Variants in CLMP observed in about 807,000 individuals in gnomAD.
CLMP encodes the protein CXADR-like membrane protein.
Under a neutral mutation model 45.2 loss-of-function variants are expected in CLMP, and 27 were observed. That is an observed-to-expected ratio of 0.60 (90% CI 0.44 to 0.82). The LOEUF (loss-of-function observed/expected upper bound fraction) is 0.82, where lower values mean the gene tolerates loss of function less well. Among genes scored for constraint, CLMP ranks in the 40% least tolerant of loss-of-function variants. The probability of loss-of-function intolerance (pLI) is 0.00; values close to 1 mark genes in which losing one functional copy is unlikely to be tolerated. For synonymous variants in CLMP, 167 were observed against 171.4 expected (o/e 0.97, Z 0.20); for missense variants, 403 against 448.4 (o/e 0.90, Z 0.91).
intron 2 of CLMP, among the ~76,000 whole-genome samples, chr11:123,094,068 G>A (rs1865963739): frequency 6.6e-6 from 1 of 152,190 alleles, no homozygotes; most frequent in South Asian, 2.1e-4. Context: ...ACAGCTAGTG[G>A]TTCTCAGACC....
At chr11:123,106,414 TGTGTGTGTGTGC>T (rs766332837) in intron 1 of CLMP, among the ~76,000 whole-genome samples, 46 of 129,080 alleles carry the variant, frequency 3.6e-4, no homozygotes, top group African/African-American at 9.4e-4. Flanking sequence ...TGTGTGTGTG[TGTGTGTGTGTGC>T]GCGCGCGCGC....
At chr11:123,115,270 A>G (rs1860705476) in intron 1 of CLMP, among the ~76,000 whole-genome samples, 1 of 150,748 alleles carries the variant, frequency 6.6e-6, no homozygotes, top group South Asian at 2.1e-4. Context: ...CTGGTCTCCA[A>G]CTCCTGGGCT....
intron 1 of CLMP, among the ~76,000 whole-genome samples, chr11:123,188,363 G>T (rs1188236328): frequency 6.6e-6 from 1 of 152,108 alleles, no homozygotes; most frequent in Non-Finnish European, 1.5e-5. Context: ...AACACCAGGA[G>T]GTCAGCTTAG....
chr11:123,142,074 T>A lies in CLMP; in HGVS notation c.29-44122A>T, dbSNP rs1043442343. Among the ~76,000 whole-genome samples, 5 of 143,282 alleles carry A rather than the reference T, an allele frequency of 3.5e-5. No homozygotes were observed. In the East Asian group the frequency reaches 1.1e-3, roughly 31 times the overall value. The allele number at this position is 143,282 out of a possible 152,430, so 94.0% of individuals were successfully genotyped here. A position where few individuals can be genotyped will look rare whatever the true frequency, so the allele number is the denominator to read the frequency against. On this transcript the variant is annotated intron_variant, in intron 1 of 6. Coordinates refer to ENST00000448775, the MANE Select transcript of CLMP (RefSeq NM_024769.5). ...AGCACGGCCCACTGGACCCTCGACC[T>A]CCCAGGGTCAAGCGATCCTCCTGTC...
chr11:123,078,640 T>G (rs9787777), intron 5 of CLMP, among the ~76,000 whole-genome samples: 9,566 of 140,350 alleles, frequency 0.068, 387 homozygotes, highest in East Asian at 0.15. Context: ...TTTTTTTTGG[T>G]TTTTTTTGTT....
chr11:123,179,113 T>A (rs145939793), intron 1 of CLMP, among the ~76,000 whole-genome samples: 142 of 152,280 alleles, frequency 9.3e-4, no homozygotes, highest in African/African-American at 3.3e-3. Context: ...AACATCGCTT[T>A]ATAAATTGGA....
At chr11:123,126,615 A>C (rs1466969876) in intron 1 of CLMP, among the ~76,000 whole-genome samples, 1 of 152,042 alleles carries the variant, frequency 6.6e-6, no homozygotes, top group Non-Finnish European at 1.5e-5. Flanking sequence ...AAACAGAACT[A>C]GGCTGGGTGC....
chr11:123,073,096 C>T lies in CLMP; in HGVS notation c.*378G>A, dbSNP rs1001118323. ...GCATAGAAAATTTACAAACAGCATC[C>T]CATTTCCTCTTGAAAATTGTGAATC... On this transcript the variant is annotated 3_prime_UTR_variant, in exon 7 of 7. Transcript: ENST00000448775. 1 of 174,050 alleles carries T rather than the reference C, an allele frequency of 5.7e-6. No individual in the cohort carries two copies. Among genetic ancestry groups the T allele is most frequent in the Non-Finnish European group, 1.2e-5 (1 of 81,810 alleles). 10.8% of individuals were successfully genotyped at this position (174,050 alleles called of 1,614,324 possible). A position where few individuals can be genotyped will look rare whatever the true frequency, so the allele number is the denominator to read the frequency against.
chr11:123,185,735 G>A (rs1310323649), intron 1 of CLMP, among the ~76,000 whole-genome samples: 1 of 152,196 alleles, frequency 6.6e-6, no homozygotes, highest in Non-Finnish European at 1.5e-5. Flanking sequence ...TTCTAGGCTC[G>A]CAGGAATCTG....
At chr11:123,111,790 C>A (rs1046070394) in intron 1 of CLMP, among the ~76,000 whole-genome samples, 1 of 152,242 alleles carries the variant, frequency 6.6e-6, no homozygotes. Context: ...TTAGAAAATA[C>A]GGTTAGGCAT....
rs769237709 is a variant in CLMP at position 123,084,701 on chromosome 11, A to T, written c.199T>A (p.Ser67Thr). The change falls in exon 3 of 7, where the codon TCC becomes ACC. Residue 67 changes from serine (S) to threonine (T), a missense_variant. Transcript: ENST00000448775. The stretch of plus-strand genomic sequence containing the variant: ...AAGTTATTGTAGACATGACGACTGG[A>T]GTAAGTGATCACCTGTGGGATAGAC... The part of the protein sequence containing the change: ...EGNQKVVITY[S>T]SRHVYNNLTE... 5.6e-6 allele frequency: 9 copies of T among 1,614,138 alleles called. No homozygotes were observed. In the South Asian group the frequency reaches 8.8e-5, roughly 16 times the overall value.
chr11:123,111,648 T>G (rs1306218859), intron 1 of CLMP, among the ~76,000 whole-genome samples: 2 of 152,204 alleles, frequency 1.3e-5, no homozygotes, highest in Non-Finnish European at 2.9e-5. Context: ...GTAACAAGGA[T>G]TCTAATGGAC....
chr11:123,162,909 A>T (rs1278446625), intron 1 of CLMP, among the ~76,000 whole-genome samples: 2 of 151,918 alleles, frequency 1.3e-5, no homozygotes, highest in Non-Finnish European at 2.9e-5. Flanking sequence ...TGTCTCAAAA[A>T]AAAAAGAGAG....
At chr11:123,189,872 G>T (rs1231371293) in intron 1 of CLMP, among the ~76,000 whole-genome samples, 1 of 151,982 alleles carries the variant, frequency 6.6e-6, no homozygotes, top group African/African-American at 2.4e-5. Context: ...CGTGATGGTG[G>T]GTGCCTGTAA....
intron 1 of CLMP, among the ~76,000 whole-genome samples, chr11:123,164,857 G>A (rs1036033534): frequency 1.1e-4 from 16 of 152,038 alleles, no homozygotes; most frequent in Non-Finnish European, 1.9e-4. Context: ...TTTAAAACAT[G>A]ATAATACACT....
In CLMP at chr11:123,073,393, C is replaced by T. The variant is rs1262763500; in HGVS notation, c.*81G>A. On this transcript the variant is annotated 3_prime_UTR_variant, in exon 7 of 7. Transcript: ENST00000448775. ...GATGACCTCTCATCTGGTTGTGTGG[C>T]TGGTGACTTGAGCTCCAATGACGAG... is the stretch of plus-strand genomic sequence containing the variant. 6.8e-7 allele frequency: 1 copy of T among 1,464,912 alleles called. No individual in the cohort carries two copies. 90.7% of individuals were successfully genotyped at this position (1,464,912 alleles called of 1,614,324 possible).
intron 1 of CLMP, among the ~76,000 whole-genome samples, chr11:123,112,050 A>G (rs145609866): frequency 1.0e-3 from 153 of 152,314 alleles, no homozygotes; most frequent in African/African-American, 2.8e-3. Context: ...AAACAAATCA[A>G]TTCATCAGAT....
chr11:123,185,102 G>C (rs936156618), intron 1 of CLMP, among the ~76,000 whole-genome samples: 6 of 152,154 alleles, frequency 3.9e-5, no homozygotes, highest in African/African-American at 1.2e-4. Flanking sequence ...GAGGTGGCTG[G>C]TCACAGGGGA....
chr11:123,159,204 C>A (rs539616341), intron 1 of CLMP, among the ~76,000 whole-genome samples: 1 of 152,248 alleles, frequency 6.6e-6, no homozygotes, highest in East Asian at 1.9e-4. Context: ...CAGCAAAAAC[C>A]CAGTCTCTCC....
Sources: allele counts gnomAD v4.1 joint callset (sites outside exome capture counted in the v4.1 genomes callset), GRCh38; gene constraint gnomAD v4.1.1; transcripts MANE v1.5; gene names NCBI Gene and HGNC (gene_info 2026-07-23, HGNC 2026-07-21).